The following MRPL45 variants were observed in gnomAD, a reference collection of about 807,000 sequenced individuals.
MRPL45 encodes large ribosomal subunit protein mL45.
MRPL45 carries 20 observed loss-of-function variants against 38.1 expected under a neutral mutation model. That is an observed-to-expected ratio of 0.53 (90% confidence interval 0.37 to 0.76). The LOEUF (loss-of-function observed/expected upper bound fraction) is 0.76, where lower values mean the gene tolerates loss of function less well. Ranked by LOEUF, MRPL45 falls within the 30% of genes least tolerant of loss-of-function variation. The pLI is 0.00. For missense variants in MRPL45, 337 were observed against 395.6 expected, an observed-to-expected ratio of 0.85 and a Z score of 1.26; for synonymous variants, 105 against 128.8, an observed-to-expected ratio of 0.82 and a Z score of 1.25.
At chr17:38,301,081 C>A (rs2036990869) in intron 3 of MRPL45, among the ~76,000 whole-genome samples, 1 of 152,152 alleles carries the variant, frequency 6.6e-6, no homozygotes, top group East Asian at 1.9e-4. Flanking sequence ...CTGGTCCTTG[C>A]CTTTTTCTCC....
At chr17:38,305,127 G>C (rs997173836) in intron 3 of MRPL45, among the ~76,000 whole-genome samples, 3 of 150,432 alleles carry the variant, frequency 2.0e-5, no homozygotes, top group Admixed American at 1.3e-4. Context: ...TTACAGGCGT[G>C]AGCCACTGCA....
intron 1 of MRPL45, 55 bp downstream of exon 1, chr17:38,297,304 G>A: frequency 1.3e-6 from 2 of 1,505,624 alleles, no homozygotes; most frequent in East Asian, 2.2e-5. Flanking sequence ...GGACAGAGTC[G>A]AGGGAAATAC....
At chr17:38,322,055 G>A in intron 6 of MRPL45, 71 bp from the exon 7 acceptor site, 18 of 1,468,080 alleles carry the variant, frequency 1.2e-5, no homozygotes, top group Non-Finnish European at 1.6e-5. Flanking sequence ...AGGTTGTATG[G>A]CAATAAAACA....
At chr17:38,314,144 G>A (rs533371560) in intron 4 of MRPL45, among the ~76,000 whole-genome samples, 4 of 152,010 alleles carry the variant, frequency 2.6e-5, no homozygotes, top group Admixed American at 2.0e-4. Flanking sequence ...TGCTCTTGAA[G>A]CCCAGGCTGG....
chr17:38,301,261 G>A (rs2036992568), intron 3 of MRPL45, among the ~76,000 whole-genome samples: 1 of 151,486 alleles, frequency 6.6e-6, no homozygotes, highest in South Asian at 2.1e-4. Flanking sequence ...CTTTTTTTGA[G>A]ATGGAGTTTT....
At chr17:38,320,876 G>T (rs2144241384) in intron 6 of MRPL45, 109 bp downstream of exon 6, 1 of 1,036,512 alleles carries the variant, frequency 9.6e-7, no homozygotes, top group Admixed American at 1.9e-5. Context: ...GTAATAAAAG[G>T]TACACTGTGA....
intron 4 of MRPL45, among the ~76,000 whole-genome samples, chr17:38,311,554 C>T (rs1417100230): frequency 1.3e-5 from 2 of 151,906 alleles, no homozygotes; most frequent in African/African-American, 2.4e-5. Flanking sequence ...GGTGTGGTGG[C>T]GTGTACCTGT....
Position 38,306,566 on chromosome 17 carries a change from T to C in MRPL45, c.396T>C (p.Phe132=). 5 of 1,610,480 alleles carry C rather than the reference T, an allele frequency of 3.1e-6. No individual in the cohort carries two copies. In the South Asian group the frequency reaches 4.4e-5, roughly 14 times the overall value. Residue 132 remains phenylalanine (F), a synonymous_variant, in exon 4 of 8, where the codon TTT becomes TTC. Transcript: ENST00000613675. The part of the protein sequence containing the change: ...IRRIKDYDAN[F]KIKDFPEKAK... ...GGATAAAAGACTATGATGCCAACTT[T>C]AAAATAAAGGACTTCCCTGAAAAAG...
At chr17:38,317,508 A>G (rs2037185833) in intron 4 of MRPL45, among the ~76,000 whole-genome samples, 1 of 152,112 alleles carries the variant, frequency 6.6e-6, no homozygotes, top group South Asian at 2.1e-4. Flanking sequence ...ATCAGCTAGG[A>G]ACCCTCCTAA....
chr17:38,304,958 T>G (rs1005651564), intron 3 of MRPL45, among the ~76,000 whole-genome samples: 2 of 151,850 alleles, frequency 1.3e-5, no homozygotes, highest in African/African-American at 4.8e-5. Context: ...GTGATTCTTC[T>G]GCCTCAGTCT....
At chr17:38,316,274 G>GC (rs2144232703) in intron 4 of MRPL45, among the ~76,000 whole-genome samples, 1 of 152,004 alleles carries the variant, frequency 6.6e-6, no homozygotes, top group African/African-American at 2.4e-5. Context: ...TACTTTGCCT[G>GC]CTCAAACCTG....
At chr17:38,305,255 A>T (rs769000671) in intron 3 of MRPL45, among the ~76,000 whole-genome samples, 84,561 of 112,088 alleles carry the variant, frequency 0.75, 34,510 homozygotes, top group East Asian at 1. Context: ...GATCACAAGG[A>T]CAGGAGTTCG....
At position 38,306,473 on chromosome 17, in the gene MRPL45, A is replaced by G. The variant is rs1052913452; in HGVS notation, c.363-60A>G. ...GATGGACATGAATGGAGGTCAGTGT[A>G]GGCTGTGAATTATGGAATTGTAAGA... On this transcript the variant is annotated intron_variant, in intron 3 of 7. Coordinates refer to ENST00000613675, the MANE Select transcript of MRPL45 (RefSeq NM_032351.6). 778 of 1,439,894 alleles carry G rather than the reference A, an allele frequency of 5.4e-4. 7 individuals carry two copies. The highest frequency in any genetic ancestry group is 9.2e-5 in the Non-Finnish European group (97 of 1,049,620). The allele number at this position is 1,439,894 out of a possible 1,614,324, so 89.2% of individuals were successfully genotyped here. A position where few individuals can be genotyped will look rare whatever the true frequency, so the allele number is the denominator to read the frequency against.
intron 3 of MRPL45, among the ~76,000 whole-genome samples, chr17:38,301,401 T>C (rs190344437): frequency 3.9e-5 from 6 of 152,052 alleles, no homozygotes; most frequent in Non-Finnish European, 8.8e-5. Context: ...CCACCACGTC[T>C]GGCTAATTTT....
At chr17:38,300,368 T>TG (rs1277915319) in intron 3 of MRPL45, among the ~76,000 whole-genome samples, 2 of 152,084 alleles carry the variant, frequency 1.3e-5, no homozygotes, top group Non-Finnish European at 2.9e-5. Flanking sequence ...ATCACTATGT[T>TG]GCCCAGGCTG....
intron 4 of MRPL45, among the ~76,000 whole-genome samples, chr17:38,315,421 A>ATT (rs78081464): frequency 7.0e-6 from 1 of 142,014 alleles, no homozygotes; most frequent in Non-Finnish European, 1.6e-5. Flanking sequence ...CACCTGGCTA[A>ATT]TTTTTTTTTT....
chr17:38,307,768 G>A (rs2037068738), intron 4 of MRPL45, among the ~76,000 whole-genome samples: 1 of 152,176 alleles, frequency 6.6e-6, no homozygotes, highest in South Asian at 2.1e-4. Flanking sequence ...ATCTGTGGCT[G>A]CTGTGGCTAG....
chr17:38,320,672 T>C lies in MRPL45; in HGVS notation c.565T>C (p.Leu189=). The C allele has an allele frequency of 6.2e-7, 1 of 1,614,172 alleles. No homozygotes were observed. The highest frequency in any genetic ancestry group is 8.5e-7 in the Non-Finnish European group (1 of 1,180,026). The part of the protein sequence containing the change: ...KTVRWSFVES[L]EPSHVVQVRC... ...CGTCCGCTGGAGCTTTGTGGAATCT[T>C]TAGAGCCCTCTCATGTTGTTCAAGT... Residue 189 remains leucine (L), a synonymous_variant, in exon 6 of 8, where the codon TTA becomes CTA. Transcript: ENST00000613675.
intron 4 of MRPL45, among the ~76,000 whole-genome samples, chr17:38,317,788 C>T (rs1253970791): frequency 4.0e-5 from 6 of 151,266 alleles, no homozygotes; most frequent in African/African-American, 7.3e-5. Flanking sequence ...TTAGCCATGA[C>T]GGTCTCGATC....
Sources: gnomAD v4.1 joint callset for allele counts (sites outside exome capture counted in the v4.1 genomes callset) on GRCh38, gnomAD v4.1.1 for gene constraint, MANE v1.5 for transcripts, NCBI Gene and HGNC (gene_info 2026-07-23, HGNC 2026-07-21) for gene names.